The following INPP5D variants were observed in gnomAD, a reference collection of about 807,000 sequenced individuals.
INPP5D encodes the protein inositol polyphosphate-5-phosphatase D, also known as phosphatidylinositol 3,4,5-trisphosphate 5-phosphatase 1.
A neutral mutation model predicts 122.9 loss-of-function variants in INPP5D; 33 were observed. The observed-to-expected ratio is 0.27, with a 90% CI of 0.20 to 0.36. The LOEUF is 0.36. Among genes scored for constraint, INPP5D ranks in the 10% least tolerant of loss-of-function variants. The pLI is 1.00. For missense variants in INPP5D, 1,053 were observed against 1,412.7 expected (o/e 0.75, Z 4.08); for synonymous variants, 584 against 576.2 (o/e 1.01, Z -0.19).
intron 17 of INPP5D, among the ~76,000 whole-genome samples, chr2:233,176,094 CAG>C (rs1173352611): frequency 1.3e-5 from 2 of 152,144 alleles, no homozygotes; most frequent in African/African-American, 2.4e-5. Flanking sequence ...TGTTTGTAGA[CAG>C]AGAAGAAAGA....
At position 233,083,175 on chromosome 2, in the gene INPP5D, A is replaced by T. The variant is rs187223883; in HGVS notation, c.198+3777A>T. Among the ~76,000 whole-genome samples, 14 of 152,374 alleles carry T rather than the reference A, an allele frequency of 9.2e-5. No individual in the cohort carries two copies. The East Asian group carries it at 2.5e-3, about 27-fold the overall frequency. ...AAGGACTGCCAAGAAACTGCTGGAA[A>T]GTAGAGATCACACACATACCTCCCA... is the stretch of plus-strand genomic sequence containing the variant. On this transcript the variant is annotated intron_variant, in intron 2 of 26. Transcript: ENST00000445964.
At chr2:233,084,279 G>C (rs942033061) in intron 2 of INPP5D, among the ~76,000 whole-genome samples, 1 of 152,140 alleles carries the variant, frequency 6.6e-6, no homozygotes, top group Non-Finnish European at 1.5e-5. Context: ...GGTCTCAAAC[G>C]CCTGGGCTCA....
At chr2:233,116,810 T>C (rs989304613) in intron 2 of INPP5D, among the ~76,000 whole-genome samples, 1 of 149,784 alleles carries the variant, frequency 6.7e-6, no homozygotes, top group Non-Finnish European at 1.5e-5. Flanking sequence ...TTGGCCAAGC[T>C]AGTCTTGAAC....
At chr2:233,159,981 G>A (rs1694161002) in intron 10 of INPP5D, among the ~76,000 whole-genome samples, 1 of 152,168 alleles carries the variant, frequency 6.6e-6, no homozygotes, top group African/African-American at 2.4e-5. Context: ...GGTGGGAGAT[G>A]GAGAGAAAGA....
Position 233,144,440 on chromosome 2 carries a change from AAGGTGGTGGTAGTGATGGTGATGGTGG to A in INPP5D, c.754-1714_754-1688del, listed in dbSNP as rs1444262333. 3.8e-4 allele frequency among the ~76,000 whole-genome samples: 19 copies of A among 49,670 alleles called. No homozygotes were observed. The Admixed American group carries it at 4.0e-3, about 10-fold the overall frequency. 32.6% of individuals were successfully genotyped at this position (49,670 alleles called of 152,430 possible). On this transcript the variant is annotated intron_variant, in intron 6 of 26. Transcript: ENST00000445964. ...GGTAGTGATGGTGATGGTGAGGGTG[AAGGTGGTGGTAGTGATGGTGATGGTGG>A]AGGTGGTCATGATCATGATAGGACT...
rs372583486 is a variant in INPP5D, at chr2:233,204,279, G to A, written c.3129G>A (p.Pro1043=). 166 of 1,613,446 alleles carry A rather than the reference G, an allele frequency of 1.0e-4. No homozygotes were observed. Among genetic ancestry groups the A allele is most frequent in the East Asian group, 7.8e-4 (35 of 44,866 alleles). The change falls in exon 26 of 27, where the codon CCG becomes CCA. Residue 1043 remains proline (P), a synonymous_variant. Coordinates refer to ENST00000445964, the MANE Select transcript of INPP5D (RefSeq NM_001017915.3). ...AGGACCAGGAATCCCCCAAAATGCCGCGGAAGGAACCCCCGCCCTGCCCGG... is the reference window on the plus strand; with the variant it reads ...AGGACCAGGAATCCCCCAAAATGCCACGGAAGGAACCCCCGCCCTGCCCGG... ...PRKDQESPKM[P]RKEPPPCPEP...
At chr2:233,081,649 G>A (rs1691692390) in intron 2 of INPP5D, among the ~76,000 whole-genome samples, 1 of 152,188 alleles carries the variant, frequency 6.6e-6, no homozygotes, top group Non-Finnish European at 1.5e-5. Flanking sequence ...TGGTGGTGCA[G>A]GGAACAGAAA....
intron 2 of INPP5D, among the ~76,000 whole-genome samples, chr2:233,086,809 T>A (rs1449705445): frequency 1.3e-5 from 2 of 152,086 alleles, no homozygotes; most frequent in African/African-American, 4.8e-5. Flanking sequence ...AAAGTGAAAA[T>A]TTCAAATTGA....
At chr2:233,194,106 T>A in intron 23 of INPP5D, 145 bp downstream of exon 23, 1 of 1,346,854 alleles carries the variant, frequency 7.4e-7, no homozygotes, top group Middle Eastern at 2.7e-4. Flanking sequence ...TCAGACAATC[T>A]GGCCCAACCC....
chr2:233,091,347 T>G (rs1271951178), intron 2 of INPP5D, among the ~76,000 whole-genome samples: 2 of 152,186 alleles, frequency 1.3e-5, no homozygotes, highest in Non-Finnish European at 2.9e-5. Flanking sequence ...ACAGAGGGGT[T>G]TAAAACAACA....
chr2:233,174,407 A>G (rs1256410052), intron 17 of INPP5D, among the ~76,000 whole-genome samples: 1 of 152,234 alleles, frequency 6.6e-6, no homozygotes, highest in East Asian at 1.9e-4. Flanking sequence ...CCTCTGTCCT[A>G]TATGCAGTCC....
rs1191977468 is a variant in INPP5D, at chr2:233,139,466, CTGTGTGTGTG to C, written c.666-346_666-337del. On this transcript the variant is annotated intron_variant, in intron 5 of 26. Transcript: ENST00000445964. ...GCCCAGAAATTTGCATTGTTAACAC[CTGTGTGTGTG>C]TGTGTGTGTGTGTGTGTGTGTGTGT... Among the ~76,000 whole-genome samples, 548 of 147,414 alleles carry C rather than the reference CTGTGTGTGTG, an allele frequency of 3.7e-3. 2 individuals are homozygous for C. The highest frequency in any genetic ancestry group is 0.031 in the East Asian group (155 of 4,934).
At chr2:233,145,996 T>C (rs1178576062) in intron 6 of INPP5D, 166 bp from the exon 7 acceptor site, 2 of 701,222 alleles carry the variant, frequency 2.9e-6, no homozygotes, top group South Asian at 1.5e-5. Flanking sequence ...TCTGAGAAGA[T>C]TGTAGAGATC....
rs1253346407 is a variant in INPP5D, at chr2:233,189,122, C to A, written c.2359-728C>A. On this transcript the variant is annotated intron_variant, in intron 21 of 26. Coordinates refer to ENST00000445964, the MANE Select transcript of INPP5D (RefSeq NM_001017915.3). This position sits in a 1 kb window ranked among gnomAD's most constrained non-coding sequence, Gnocchi z 5.6. ...CCTGCACTTGCCCGGACACAGCCCC[C>A]ACTGGCCAGTGCTGTGCAAAGCCTG... Among the ~76,000 whole-genome samples the A allele has an allele frequency of 6.6e-6, 1 of 152,354 alleles. No individual in the cohort carries two copies. The highest frequency in any genetic ancestry group is 1.9e-4 in the East Asian group (1 of 5,180).
At chr2:233,175,217 C>CAAA (rs1220185296) in intron 17 of INPP5D, among the ~76,000 whole-genome samples, 22,117 of 68,314 alleles carry the variant, frequency 0.32, 5,888 homozygotes, top group Non-Finnish European at 0.44. Context: ...GACTCCATCT[C>CAAA]AAAAAAAAAA....
intron 2 of INPP5D, among the ~76,000 whole-genome samples, chr2:233,092,011 A>G (rs1039527362): frequency 2.6e-5 from 4 of 152,238 alleles, no homozygotes; most frequent in African/African-American, 9.6e-5. Context: ...CAAGGAGGGA[A>G]GGAGAGTGGA....
chr2:233,080,746 A>G (rs1319776025), intron 2 of INPP5D, among the ~76,000 whole-genome samples: 2 of 152,210 alleles, frequency 1.3e-5, no homozygotes, highest in Admixed American at 1.3e-4. Flanking sequence ...TGGGGAGACC[A>G]CAGGCAAGTC....
intron 1 of INPP5D, among the ~76,000 whole-genome samples, chr2:233,062,468 G>C (rs1691102993): frequency 6.6e-6 from 1 of 152,204 alleles, no homozygotes; most frequent in South Asian, 2.1e-4. Flanking sequence ...CCACCATGCT[G>C]GCTGGGGTCA....
In INPP5D at chr2:233,147,505, T is replaced by C. The variant is rs1693797731; in HGVS notation, c.941T>C (p.Met314Thr). 1.4e-6 allele frequency: 1 copy of C among 704,044 alleles called. No homozygotes were observed. The highest frequency in any genetic ancestry group is 2.7e-5 in the East Asian group (1 of 37,424). 43.6% of individuals were successfully genotyped at this position (704,044 alleles called of 1,614,324 possible). Residue 314 changes from methionine to threonine, a missense_variant, in exon 9 of 27, where the codon ATG (methionine) becomes ACG (threonine). Met to Thr is a moderately conservative substitution (Grantham distance 81). Transcript: ENST00000445964. ...GAGTCTCTGGGGATTCCTCAGAAAATGCAGCTCAAAGTCGACGTTGAGTCT... is the reference window on the plus strand; with the variant it reads ...GAGTCTCTGGGGATTCCTCAGAAAACGCAGCTCAAAGTCGACGTTGAGTCT... ...KAESLGIPQK[M>T]QLKVDVESGK... is the part of the protein sequence containing the mutation.
Sources: allele counts gnomAD v4.1 joint callset (sites outside exome capture counted in the v4.1 genomes callset), GRCh38; gene constraint gnomAD v4.1.1; non-coding constraint Gnocchi (gnomAD v3.1); transcripts MANE v1.5; gene names NCBI Gene and HGNC (gene_info 2026-07-23, HGNC 2026-07-21).